The following HTR7 variants were observed in gnomAD, a reference collection of about 807,000 sequenced individuals.
HTR7 encodes the protein 5-hydroxytryptamine receptor 7.
In HTR7, 16 loss-of-function variants were observed where a neutral mutation model predicts 34.0. That is an observed-to-expected ratio of 0.47 (90% confidence interval 0.32 to 0.71). HTR7 has a LOEUF of 0.71. Ranked by LOEUF, HTR7 falls within the 30% of genes least tolerant of loss-of-function variation. The pLI is 0.04. For synonymous variants in HTR7, 265 were observed against 260.2 expected (o/e 1.02, Z -0.18); for missense variants, 504 against 625.5 (o/e 0.81, Z 2.07).
intron 1 of HTR7, among the ~76,000 whole-genome samples, chr10:90,828,157 G>A (rs181535610): frequency 9.3e-4 from 142 of 152,214 alleles, no homozygotes; most frequent in African/African-American, 3.1e-3. Context: ...AAAATTTATC[G>A]AAACAAATGA....
At chr10:90,819,164 A>T (rs1203389149) in intron 1 of HTR7, among the ~76,000 whole-genome samples, 1 of 152,180 alleles carries the variant, frequency 6.6e-6, no homozygotes, top group Non-Finnish European at 1.5e-5. Context: ...ACCCAAAATG[A>T]AGTAAGAGAT....
At chr10:90,806,739 T>C (rs1355693822) in intron 1 of HTR7, among the ~76,000 whole-genome samples, 2 of 152,192 alleles carry the variant, frequency 1.3e-5, no homozygotes, top group Admixed American at 1.3e-4. Flanking sequence ...TGCAAACTAA[T>C]AAGGAAAAAG....
intron 1 of HTR7, among the ~76,000 whole-genome samples, chr10:90,799,780 G>C (rs1845597007): frequency 6.6e-6 from 1 of 152,242 alleles, no homozygotes; most frequent in Non-Finnish European, 1.5e-5. Context: ...CTGGTCAGTG[G>C]TGATAGTTAA....
At chr10:90,856,517 A>G (rs1462770201) in intron 1 of HTR7, among the ~76,000 whole-genome samples, 1 of 152,246 alleles carries the variant, frequency 6.6e-6, no homozygotes, top group Admixed American at 6.5e-5. Flanking sequence ...GGCTAGAACC[A>G]GCCATTCAGA....
intron 1 of HTR7, among the ~76,000 whole-genome samples, chr10:90,793,971 A>G (rs1043815604): frequency 6.6e-6 from 1 of 152,182 alleles, no homozygotes; most frequent in East Asian, 1.9e-4. Context: ...TTCTAGCCAC[A>G]CTGGCAGCTG....
chr10:90,848,382 T>A (rs1035961601), intron 1 of HTR7, among the ~76,000 whole-genome samples: 1 of 152,208 alleles, frequency 6.6e-6, no homozygotes, highest in African/African-American at 2.4e-5. Context: ...TTTGTTCTTA[T>A]GATATATATT....
In HTR7 at chr10:90,808,125, G is replaced by A. The variant is rs540075755; in HGVS notation, c.539+49008C>T. Among the ~76,000 whole-genome samples the A allele has an allele frequency of 7.2e-5, 11 of 152,256 alleles. No individual in the cohort carries two copies. The East Asian group carries it at 9.7e-4, about 13-fold the overall frequency. ...TACGCCTCTCTGATTATTCACCCAC[G>A]TTTCAGAGGTGTCAGATCACGCAGG... On this transcript the variant is annotated intron_variant, in intron 1 of 3. Coordinates refer to ENST00000336152, the MANE Select transcript of HTR7 (RefSeq NM_019859.4).
chr10:90,823,471 T>C (rs1336409965), intron 1 of HTR7, among the ~76,000 whole-genome samples: 2 of 152,274 alleles, frequency 1.3e-5, no homozygotes, highest in Non-Finnish European at 2.9e-5. Flanking sequence ...GTCTGTACTA[T>C]CACAGTATCT....
intron 1 of HTR7, among the ~76,000 whole-genome samples, chr10:90,820,517 G>C (rs1294070083): frequency 2.6e-5 from 4 of 152,162 alleles, no homozygotes; most frequent in African/African-American, 9.7e-5. Context: ...TAATTTTCTT[G>C]AGTTAACCCT....
In HTR7 at chr10:90,801,556, G is replaced by T. The variant is rs1221790887; in HGVS notation, c.540-51962C>A. 3.9e-5 allele frequency among the ~76,000 whole-genome samples: 6 copies of T among 152,198 alleles called. No individual in the cohort carries two copies. The East Asian group carries it at 1.2e-3, about 29-fold the overall frequency. ...ATTCTGAAGGTTCCCATGTAAACATGATTAAATAAATTGTATACTTTTTCT... is the reference window on the plus strand; with the variant it reads ...ATTCTGAAGGTTCCCATGTAAACATTATTAAATAAATTGTATACTTTTTCT... On this transcript the variant is annotated intron_variant, in intron 1 of 3. Transcript: ENST00000336152.
chr10:90,843,229 T>C (rs909668138), intron 1 of HTR7, among the ~76,000 whole-genome samples: 4 of 151,974 alleles, frequency 2.6e-5, no homozygotes, highest in Non-Finnish European at 5.9e-5. Context: ...TCCACAAAGA[T>C]TAACTGAACA....
intron 1 of HTR7, among the ~76,000 whole-genome samples, chr10:90,784,913 C>T (rs974436945): frequency 6.6e-6 from 1 of 152,200 alleles, no homozygotes; most frequent in Non-Finnish European, 1.5e-5. Flanking sequence ...AAGGCTCAAG[C>T]TTCCACCATT....
chr10:90,809,220 G>A (rs957507334), intron 1 of HTR7, among the ~76,000 whole-genome samples: 2 of 152,066 alleles, frequency 1.3e-5, no homozygotes, highest in East Asian at 1.9e-4. Context: ...GTTTCATTCC[G>A]TAACTAGCCC....
intron 1 of HTR7, among the ~76,000 whole-genome samples, chr10:90,821,296 G>A (rs868353933): frequency 1.3e-5 from 2 of 152,300 alleles, no homozygotes; most frequent in Middle Eastern, 3.4e-3. Context: ...CCCAGCAGCA[G>A]CCCCAAAGCA....
At position 90,787,190 on chromosome 10, in the gene HTR7, G is replaced by C. The variant is rs12412849; in HGVS notation, c.540-37596C>G. ...TGCCAGACACACTGGGGATACATCA[G>C]TAAATAATAAGACAAACCGCTGGGC... On this transcript the variant is annotated intron_variant, in intron 1 of 3. Transcript: ENST00000336152. Among the ~76,000 whole-genome samples the C allele has an allele frequency of 3.6e-3, 547 of 152,234 alleles. 6 individuals are homozygous for C. The highest frequency in any genetic ancestry group is 0.031 in the Admixed American group (480 of 15,274).
chr10:90,770,542 CT>C (rs1301931249), intron 1 of HTR7, among the ~76,000 whole-genome samples: 3 of 152,214 alleles, frequency 2.0e-5, no homozygotes, highest in Admixed American at 1.3e-4. Context: ...TGCCTGGCCT[CT>C]CCCCACTCCC....
chr10:90,798,400 C>A (rs1001383837), intron 1 of HTR7, among the ~76,000 whole-genome samples: 1 of 152,146 alleles, frequency 6.6e-6, no homozygotes, highest in African/African-American at 2.4e-5. Flanking sequence ...TTAAATTGGA[C>A]TGGGTTGGGT....
intron 1 of HTR7, among the ~76,000 whole-genome samples, chr10:90,804,620 G>A (rs1179725997): frequency 6.6e-6 from 1 of 152,172 alleles, no homozygotes; most frequent in Non-Finnish European, 1.5e-5. Flanking sequence ...TGGTAAAGGA[G>A]TTCAAAGGCC....
chr10:90,855,333 T>C (rs527467355), intron 1 of HTR7, among the ~76,000 whole-genome samples: 1 of 152,230 alleles, frequency 6.6e-6, no homozygotes, highest in African/African-American at 2.4e-5. Flanking sequence ...CTTTAGCTCA[T>C]GTATAGGAAT....
Sources: gnomAD v4.1 joint callset for allele counts (sites outside exome capture counted in the v4.1 genomes callset) on GRCh38, gnomAD v4.1.1 for gene constraint, MANE v1.5 for transcripts, NCBI Gene and HGNC (gene_info 2026-07-23, HGNC 2026-07-21) for gene names.